Variants in CENPI observed in about 807,000 individuals in gnomAD.
CENPI encodes centromere protein I, also known as FSH primary response 1.
A neutral mutation model predicts 60.4 loss-of-function variants in CENPI; 4 were observed. The observed-to-expected ratio is 0.07, with a 90% CI of 0.03 to 0.15. CENPI has a LOEUF of 0.15. Ranked by LOEUF, CENPI falls within the 10% of genes least tolerant of loss-of-function variation. The pLI is 1.00. For missense variants in CENPI, 444 were observed against 534.5 expected, an observed-to-expected ratio of 0.83 and a Z score of 1.67; for synonymous variants, 157 against 189.4, an observed-to-expected ratio of 0.83 and a Z score of 1.40.
chrX:101,106,899 A>T (rs1377461645), intron 4 of CENPI, among the ~76,000 whole-genome samples: 1 of 109,038 alleles, frequency 9.2e-6, no homozygotes, highest in Non-Finnish European at 1.9e-5. Context: ...TGTCTTTGCT[A>T]AAAATAAAAA....
the CENPI span, among the ~76,000 whole-genome samples, chrX:101,179,665 C>T: frequency 1.8e-4 from 20 of 111,359 alleles, no homozygotes; most frequent in East Asian, 5.6e-4. Flanking sequence ...GGACTACAGG[C>T]GCCTGCCACA....
At chrX:101,154,132 T>A (rs1323462311) in intron 20 of CENPI, among the ~76,000 whole-genome samples, 1 of 112,135 alleles carries the variant, frequency 8.9e-6, no homozygotes, top group African/African-American at 3.2e-5. Context: ...GTAAATGCTG[T>A]CTTGATCCGT....
chrX:101,157,649 CAAA>C (rs11337861), intron 20 of CENPI, among the ~76,000 whole-genome samples: 13 of 49,105 alleles, frequency 2.6e-4, no homozygotes, highest in African/African-American at 3.1e-4. Flanking sequence ...GACCTTGTCT[CAAA>C]AAAAAAAAAA....
At chrX:101,134,840 G>A (rs2089830037) in intron 15 of CENPI, among the ~76,000 whole-genome samples, 1 of 110,520 alleles carries the variant, frequency 9.0e-6, no homozygotes, top group Non-Finnish European at 1.9e-5. Flanking sequence ...CCTAGGCAAC[G>A]TGGTGAAACC....
intron 9 of CENPI, 132 bp downstream of exon 9, chrX:101,126,930 G>T (rs772035227): frequency 3.7e-4 from 255 of 690,249 alleles, no homozygotes; most frequent in Non-Finnish European, 5.0e-4. Context: ...ACTGTTTTGG[G>T]AAAGTTTTTT....
At chrX:101,108,067 T>A (rs1255658447) in intron 4 of CENPI, among the ~76,000 whole-genome samples, 1 of 110,359 alleles carries the variant, frequency 9.1e-6, no homozygotes, top group Non-Finnish European at 1.9e-5. Flanking sequence ...ATTCATTGTT[T>A]TAAAAATTCA....
chrX:101,158,091 A>G (rs1011017577), intron 20 of CENPI, among the ~76,000 whole-genome samples: 1 of 111,082 alleles, frequency 9.0e-6, no homozygotes, highest in Admixed American at 9.7e-5. Flanking sequence ...ATTTACCATA[A>G]TGTACTCCAC....
At chrX:101,169,049 A>C (rs761845630), downstream of CENPI, among the ~76,000 whole-genome samples, 5 of 112,261 alleles carry the variant, frequency 4.5e-5, no homozygotes, top group South Asian at 1.9e-3. Context: ...TTAAAGGGAG[A>C]TATGATGACA....
chrX:101,168,878 A>G (rs1273895512), downstream of CENPI, among the ~76,000 whole-genome samples: 4 of 111,885 alleles, frequency 3.6e-5, no homozygotes, highest in East Asian at 1.1e-3. Context: ...TGTTCAGTGC[A>G]GTAAAAATGA....
the CENPI span, among the ~76,000 whole-genome samples, chrX:101,178,631 G>A: frequency 1.0e-4 from 11 of 109,947 alleles, no homozygotes; most frequent in Non-Finnish European, 2.1e-4. Flanking sequence ...GGCTGGTCCC[G>A]AACTCCTGAC....
intron 4 of CENPI, among the ~76,000 whole-genome samples, chrX:101,105,307 G>A (rs2089470302): frequency 9.0e-6 from 1 of 111,192 alleles, no homozygotes; most frequent in Admixed American, 9.7e-5. Context: ...GGCGGATCAC[G>A]AGATCAGGAG....
the CENPI span, among the ~76,000 whole-genome samples, chrX:101,175,776 T>G: frequency 1.8e-5 from 2 of 111,905 alleles, no homozygotes; most frequent in African/African-American, 6.5e-5. Context: ...ACCTCGAGTA[T>G]TTATTATTTC....
chrX:101,170,802 T>G (rs1943936977), downstream of CENPI, among the ~76,000 whole-genome samples: 1 of 110,575 alleles, frequency 9.0e-6, no homozygotes, highest in African/African-American at 3.3e-5. Context: ...CAGCTTATTT[T>G]TGTATTTTTT....
intron 20 of CENPI, among the ~76,000 whole-genome samples, chrX:101,159,649 A>T (rs1218046041): frequency 9.1e-6 from 1 of 110,057 alleles, no homozygotes; most frequent in Non-Finnish European, 1.9e-5. Flanking sequence ...TTTAGTAGAG[A>T]CGGGGTTTCA....
chrX:101,099,021 TTAC>T (rs2089377413), intron 2 of CENPI, among the ~76,000 whole-genome samples: 1 of 111,213 alleles, frequency 9.0e-6, no homozygotes, highest in Admixed American at 9.7e-5. Flanking sequence ...CAGACTGATG[TTAC>T]TACTGTTTCT....
chrX:101,166,328 G>A (rs1052428742), downstream of CENPI, among the ~76,000 whole-genome samples: 2 of 111,626 alleles, frequency 1.8e-5, no homozygotes, highest in Non-Finnish European at 3.8e-5. Flanking sequence ...GCTAATTTTT[G>A]TATTTTTGGT....
chrX:101,144,404 T>G (rs1602838196), intron 16 of CENPI, among the ~76,000 whole-genome samples: 1 of 97,154 alleles, frequency 1.0e-5, no homozygotes, highest in Non-Finnish European at 2.1e-5. Flanking sequence ...TTTTTTTTTT[T>G]GAAACAGTCT....
At chrX:101,101,012 G>T in intron 2 of CENPI, 46 bp from the exon 3 acceptor site, 1 of 921,136 alleles carries the variant, frequency 1.1e-6, no homozygotes, top group Non-Finnish European at 1.6e-6. Context: ...GAGAAAAAAG[G>T]ACTGTTTGGC....
rs1021974244 is a variant in CENPI, at chrX:101,145,106, G to A, written c.1608G>A (p.Leu536=). ...GATCCATGAACTCTGTGTCTAAACT[G>A]ATCCACTATGTAGGGTGGCTATCCA... is the stretch of plus-strand genomic sequence containing the variant. The part of the protein sequence containing the change: ...LGGSMNSVSK[L]IHYVGWLSTT... The change falls in exon 17 of 22, where the codon CTG becomes CTA. Residue 536 remains leucine (L), a synonymous_variant. Coordinates refer to ENST00000682095, the MANE Select transcript of CENPI (RefSeq NM_001386188.2). The A allele has an allele frequency of 1.7e-6, 2 of 1,203,532 alleles. No individual in the cohort carries two copies. Among genetic ancestry groups the A allele is most frequent in the African/African-American group, 3.5e-5 (2 of 57,721 alleles).
Sources: gnomAD v4.1 joint callset for allele counts (sites outside exome capture counted in the v4.1 genomes callset) on GRCh38, gnomAD v4.1.1 for gene constraint, MANE v1.5 for transcripts, NCBI Gene and HGNC (gene_info 2026-07-23, HGNC 2026-07-21) for gene names.